The following NTM variants were observed in gnomAD, a reference collection of about 807,000 sequenced individuals.
NTM encodes IgLON family member 2.
Under a neutral mutation model 42.1 loss-of-function variants are expected in NTM, and 13 were observed. The observed-to-expected ratio is 0.31, with a 90% confidence interval of 0.20 to 0.49. NTM has a LOEUF of 0.49. Among genes scored for constraint, NTM ranks in the 20% least tolerant of loss-of-function variants. NTM has a pLI of 0.99. For missense variants in NTM, 373 were observed against 452.8 expected (o/e 0.82, Z 1.60); for synonymous variants, 187 against 179.2 (o/e 1.04, Z -0.35).
chr11:131,815,182 C>T (rs896419274), intron 1 of NTM, among the ~76,000 whole-genome samples: 10 of 152,162 alleles, frequency 6.6e-5, no homozygotes, highest in African/African-American at 2.4e-4. Context: ...CATCCCCTTG[C>T]GGCCTATGGC....
chr11:131,929,410 C>A (rs894609087), intron 2 of NTM, among the ~76,000 whole-genome samples: 11 of 151,870 alleles, frequency 7.2e-5, no homozygotes, highest in Non-Finnish European at 1.3e-4. Context: ...TGGGAAGCCC[C>A]TGGAGCAGTT....
At chr11:131,487,206 T>C (rs7932806) in intron 1 of NTM, among the ~76,000 whole-genome samples, 10,173 of 152,242 alleles carry the variant, frequency 0.067, 1,139 homozygotes, top group African/African-American at 0.23. Context: ...TCAAAGCATA[T>C]GTTTATCTTA....
intron 1 of NTM, among the ~76,000 whole-genome samples, chr11:131,761,390 T>A (rs1034110404): frequency 8.5e-5 from 13 of 152,148 alleles, no homozygotes; most frequent in African/African-American, 3.1e-4. Context: ...CAAATTCCTA[T>A]GTTGAAGGCC....
intron 2 of NTM, among the ~76,000 whole-genome samples, chr11:132,067,947 A>G (rs1342727272): frequency 1.3e-5 from 2 of 152,218 alleles, no homozygotes; most frequent in Admixed American, 1.3e-4. Context: ...CTACTGATGT[A>G]ATATTCTCAA....
chr11:132,046,748 AG>A (rs1269197942), intron 2 of NTM, among the ~76,000 whole-genome samples: 1 of 152,158 alleles, frequency 6.6e-6, no homozygotes, highest in African/African-American at 2.4e-5. Flanking sequence ...GAGAAAGGCA[AG>A]GGGTCTTTGT....
intron 1 of NTM, among the ~76,000 whole-genome samples, chr11:131,431,581 A>G (rs1948655594): frequency 6.6e-6 from 1 of 152,186 alleles, no homozygotes; most frequent in Admixed American, 6.5e-5. Flanking sequence ...TCTGGGCAGC[A>G]GAGACTCTCG....
intron 1 of NTM, among the ~76,000 whole-genome samples, chr11:131,842,489 C>A (rs1211330735): frequency 6.6e-6 from 1 of 152,114 alleles, no homozygotes; most frequent in African/African-American, 2.4e-5. Flanking sequence ...CATCGAGAGG[C>A]AGTAGTCTCC....
At chr11:131,812,641 A>G (rs1439368219) in intron 1 of NTM, among the ~76,000 whole-genome samples, 3 of 152,114 alleles carry the variant, frequency 2.0e-5, no homozygotes, top group African/African-American at 7.2e-5. Context: ...AATGCCTGAG[A>G]GGAGCTAGGG....
intron 2 of NTM, among the ~76,000 whole-genome samples, chr11:131,970,300 G>A (rs114202074): frequency 2.0e-3 from 298 of 152,276 alleles, no homozygotes; most frequent in African/African-American, 7.0e-3. Context: ...TTGATTGTAT[G>A]TTTTCTGTTT....
rs533181289 is a variant in NTM at position 131,423,851 on chromosome 11, A to T, written c.82+52963A>T. On this transcript the variant is annotated intron_variant, in intron 1 of 8. Transcript: ENST00000683400. ...ATCTCTTATCTAGGAAGGGAACTGTAGACAGCAATTCCAGTTCCTCCAGTG... is the reference window on the plus strand; with the variant it reads ...ATCTCTTATCTAGGAAGGGAACTGTTGACAGCAATTCCAGTTCCTCCAGTG... 2.0e-5 allele frequency among the ~76,000 whole-genome samples: 3 copies of T among 152,200 alleles called. No individual in the cohort carries two copies. The South Asian group carries it at 6.2e-4, about 31-fold the overall frequency.
intron 2 of NTM, among the ~76,000 whole-genome samples, chr11:132,026,272 A>G (rs2075161826): frequency 6.6e-6 from 1 of 152,228 alleles, no homozygotes; most frequent in Admixed American, 6.5e-5. Flanking sequence ...TTGGGTTAAC[A>G]TCTTGCCCCG....
intron 1 of NTM, among the ~76,000 whole-genome samples, chr11:131,495,079 G>A (rs139948810): frequency 6.6e-6 from 1 of 152,298 alleles, no homozygotes; most frequent in Non-Finnish European, 1.5e-5. Context: ...AAAAACATGA[G>A]GGAAAATTAG....
intron 4 of NTM, among the ~76,000 whole-genome samples, chr11:132,291,046 T>C (rs1177012533): frequency 2.6e-5 from 4 of 152,206 alleles, no homozygotes; most frequent in Non-Finnish European, 2.9e-5. Context: ...TAGGAATTTA[T>C]GCTGTGTTTG....
intron 2 of NTM, among the ~76,000 whole-genome samples, chr11:132,112,160 T>C (rs1319983703): frequency 1.3e-5 from 2 of 152,210 alleles, no homozygotes; most frequent in African/African-American, 4.8e-5. Flanking sequence ...CTAGTTCGGA[T>C]TGGTGTGTGA....
chr11:131,508,532 T>C (rs1192395620), intron 1 of NTM, among the ~76,000 whole-genome samples: 4 of 136,296 alleles, frequency 2.9e-5, no homozygotes, highest in Non-Finnish European at 6.3e-5. Context: ...ATCCCATTAC[T>C]GGGTATATAC....
At position 132,314,543 on chromosome 11, in the gene NTM, T is replaced by C. The variant is rs1364774055; in HGVS notation, c.783-9T>C. ...TGTTTTCTTCTTTTTTGTCTTTTGT[T>C]TCTCTCAGACTGATTGAAGGAAAGA... On this transcript the variant is annotated splice_polypyrimidine_tract_variant and intron_variant, in intron 6 of 8. Transcript: ENST00000683400. 1 of 1,603,786 alleles carries C rather than the reference T, an allele frequency of 6.2e-7. No individual in the cohort carries two copies. The highest frequency in any genetic ancestry group is 1.7e-5 in the Admixed American group (1 of 58,274).
intron 1 of NTM, among the ~76,000 whole-genome samples, chr11:131,481,541 C>T (rs769634607): frequency 2.6e-5 from 4 of 152,288 alleles, no homozygotes; most frequent in South Asian, 4.1e-4. Flanking sequence ...AAACATGAGC[C>T]GTGCTGCTAA....
intron 1 of NTM, among the ~76,000 whole-genome samples, chr11:131,520,663 C>A (rs2136553424): frequency 6.6e-6 from 1 of 152,194 alleles, no homozygotes; most frequent in South Asian, 2.1e-4. Flanking sequence ...TCCTTTGTGT[C>A]TTATGACAGC....
intron 1 of NTM, among the ~76,000 whole-genome samples, chr11:131,729,166 G>C (rs913577701): frequency 2.6e-5 from 4 of 152,202 alleles, no homozygotes; most frequent in African/African-American, 9.6e-5. Context: ...CTGCTCAAAG[G>C]GATTGCCAAT....
Sources: gnomAD v4.1 joint callset for allele counts (sites outside exome capture counted in the v4.1 genomes callset) on GRCh38, gnomAD v4.1.1 for gene constraint, MANE v1.5 for transcripts, NCBI Gene and HGNC (gene_info 2026-07-23, HGNC 2026-07-21) for gene names.